Variants in ERP27 observed in about 807,000 individuals in gnomAD.
ERP27 encodes endoplasmic reticulum resident protein 27.
ERP27 carries 23 observed loss-of-function variants against 27.7 expected under a neutral mutation model. That is an observed-to-expected ratio of 0.83 (90% CI 0.60 to 1.18). The LOEUF (loss-of-function observed/expected upper bound fraction) is 1.18. Ranked by LOEUF, ERP27 falls within the 50% of genes most tolerant of loss-of-function variation. The pLI is 0.00. For synonymous variants in ERP27, 159 were observed against 118.3 expected (o/e 1.34, Z -2.23); for missense variants, 363 against 327.9 (o/e 1.11, Z -0.83).
chr12:14,915,613 G>A lies in ERP27; in HGVS notation c.650C>T (p.Ser217Phe), dbSNP rs1863397681. 2.5e-6 allele frequency: 4 copies of A among 1,614,186 alleles called. No homozygotes were observed. The highest frequency in any genetic ancestry group is 3.4e-6 in the Non-Finnish European group (4 of 1,180,038). The stretch of plus-strand genomic sequence containing the variant: ...GTAAATTGCCAAAGCTGGCAGTTGA[G>A]ACTCCTTTAGTTTGAAAAATGATAT... The part of the protein sequence containing the change: ...KVISFFKLKE[S>F]QLPALAIYQT... Residue 217 changes from serine to phenylalanine, a missense_variant, in exon 6 of 7, where the codon TCT becomes TTT. Transcript: ENST00000266397.
At chr12:14,928,878 GA>G in intron 3 of ERP27, 1 of 1,483,484 alleles carries the variant, frequency 6.7e-7, no homozygotes, top group Non-Finnish European at 9.1e-7. Context: ...AATGAGTAAA[GA>G]AATAAAATGA....
At chr12:14,915,814 G>C (rs1863402289) in intron 5 of ERP27, 128 bp from the exon 6 acceptor site, 3 of 845,780 alleles carry the variant, frequency 3.5e-6, no homozygotes, top group Non-Finnish European at 5.4e-6. Flanking sequence ...TTGAAATCTT[G>C]AGTTAAAATA....
intron 2 of ERP27, among the ~76,000 whole-genome samples, chr12:14,937,269 T>C (rs1863786580): frequency 6.6e-6 from 1 of 152,108 alleles, no homozygotes; most frequent in Non-Finnish European, 1.5e-5. Context: ...GACAAGAAGG[T>C]CTGCTATGAG....
chr12:14,936,186 C>T (rs1242346614), intron 2 of ERP27, among the ~76,000 whole-genome samples: 1 of 150,834 alleles, frequency 6.6e-6, no homozygotes, highest in African/African-American at 2.4e-5. Flanking sequence ...ATCAAAAGGG[C>T]CAAAAAAGAA....
At chr12:14,937,399 A>T (rs977596447) in intron 2 of ERP27, among the ~76,000 whole-genome samples, 1 of 152,210 alleles carries the variant, frequency 6.6e-6, no homozygotes, top group Non-Finnish European at 1.5e-5. Context: ...GCTAATCTGG[A>T]AGATGGAGGT....
chr12:14,923,544 C>T (rs979176858), intron 3 of ERP27, among the ~76,000 whole-genome samples: 1 of 125,102 alleles, frequency 8.0e-6, no homozygotes, highest in African/African-American at 2.9e-5. Context: ...TCTATATTAC[C>T]TATCTCCTGT....
chr12:14,928,132 C>T (rs1299356098), intron 3 of ERP27, among the ~76,000 whole-genome samples: 1 of 152,210 alleles, frequency 6.6e-6, no homozygotes, highest in Non-Finnish European at 1.5e-5. Context: ...TCTTGGACAT[C>T]TCCTTAACCC....
intron 3 of ERP27, among the ~76,000 whole-genome samples, chr12:14,927,006 A>C (rs1415328523): frequency 6.6e-6 from 1 of 151,986 alleles, no homozygotes; most frequent in Non-Finnish European, 1.5e-5. Flanking sequence ...ATATTTATTC[A>C]CCTTTTATTT....
rs562360697 is a variant in ERP27 at position 14,928,599 on chromosome 12, C to G, written c.333+6257G>C. ...AATTTAAGCACTCTTTATTTTGGGA[C>G]TGCTTTATACAATTTAAATTTATGA... On this transcript the variant is annotated intron_variant, in intron 3 of 6. Transcript: ENST00000266397. 1.7e-3 allele frequency among the ~76,000 whole-genome samples: 260 copies of G among 152,264 alleles called. 1 individual carries two copies. The highest frequency in any genetic ancestry group is 6.0e-3 in the African/African-American group (248 of 41,552).
chr12:14,918,320 G>T (rs527619511), intron 4 of ERP27, among the ~76,000 whole-genome samples: 2 of 152,270 alleles, frequency 1.3e-5, no homozygotes, highest in South Asian at 2.1e-4. Flanking sequence ...TCTCAAATGT[G>T]GTTGAACCAA....
chr12:14,930,830 A>G (rs1863686884), intron 3 of ERP27, among the ~76,000 whole-genome samples: 1 of 152,214 alleles, frequency 6.6e-6, no homozygotes, highest in South Asian at 2.1e-4. Flanking sequence ...ATGTTCTTAA[A>G]ATGGAAAATT....
intron 3 of ERP27, among the ~76,000 whole-genome samples, chr12:14,933,874 C>T (rs1863734187): frequency 6.6e-6 from 1 of 152,106 alleles, no homozygotes; most frequent in Admixed American, 6.6e-5. Flanking sequence ...ATACTTCTCA[C>T]ATGGTCTATT....
At position 14,917,314 on chromosome 12, in the gene ERP27, G is replaced by A. The variant is rs201786594; in HGVS notation, c.451-11C>T. On this transcript the variant is annotated splice_polypyrimidine_tract_variant and intron_variant, in intron 4 of 6. Transcript: ENST00000266397. ...TAACCCAATCACAGTCTGGCAAGTC[G>A]AAATGTGTTACAGTAGAGTGAAAGC... The A allele has an allele frequency of 4.7e-4, 765 of 1,614,094 alleles. 4 individuals are homozygous for A. The African/African-American group carries it at 9.2e-3, about 19-fold the overall frequency.
In ERP27 at chr12:14,938,498, G is replaced by C; in HGVS notation, c.11C>G (p.Ala4Gly). Residue 4 changes from alanine (A) to glycine (G), a missense_variant, in exon 1 of 7, where the codon GCC (alanine) becomes GGC (glycine). Ala to Gly is a moderately conservative substitution (Grantham distance 60, BLOSUM62 0). Transcript: ENST00000266397. ...TAAGAGGAACATGAACCTGGACGGG[G>C]CAGCTTCCATTGTCCCTCTCCTGCT... MEAAPSRFMFLLFL... is the reference protein window; with the variant it reads MEAGPSRFMFLLFL... 2 of 1,611,438 alleles carry C rather than the reference G, an allele frequency of 1.2e-6. No individual in the cohort carries two copies. The highest frequency in any genetic ancestry group is 1.7e-6 in the Non-Finnish European group (2 of 1,178,798).
At chr12:14,915,720 A>G in intron 5 of ERP27, 34 bp from the exon 6 acceptor site, 1 of 1,593,462 alleles carries the variant, frequency 6.3e-7, no homozygotes, top group South Asian at 1.1e-5. Context: ...AAAAAGTTCT[A>G]TCTGAGGTGA....
At chr12:14,927,744 GCACACACACACACACACA>G in intron 3 of ERP27, among the ~76,000 whole-genome samples, 1 of 148,318 alleles carries the variant, frequency 6.7e-6, no homozygotes, top group African/African-American at 2.5e-5. Context: ...ATGCCTTCAG[GCACACACACACACACACA>G]CACACACACA....
At position 14,934,915 on chromosome 12, in the gene ERP27, C is replaced by T; in HGVS notation, c.274G>A (p.Asp92Asn). ...FPGVSFGIST[D>N]SEVLTHYNIT... ...TTGTAGTGTGTCAGAACCTCAGAAT[C>T]AGTGCTGATCCCAAATGACACGCCT... is the stretch of plus-strand genomic sequence containing the variant. Residue 92 changes from aspartate (D) to asparagine (N), a missense_variant, in exon 3 of 7, where the codon GAT (aspartate) becomes AAT (asparagine). Asp to Asn is a conservative substitution (Grantham distance 23). Transcript: ENST00000266397. The T allele has an allele frequency of 1.2e-6, 2 of 1,614,172 alleles. No homozygotes were observed. The highest frequency in any genetic ancestry group is 2.2e-5 in the South Asian group (2 of 91,086).
rs1863806148 is a variant in ERP27 at position 14,938,502 on chromosome 12, C to T, written c.7G>A (p.Ala3Thr). ME[A>T]APSRFMFLLF... ...AGGAACATGAACCTGGACGGGGCAG[C>T]TTCCATTGTCCCTCTCCTGCTCCTG... is the stretch of plus-strand genomic sequence containing the variant. Residue 3 changes from alanine to threonine, a missense_variant, in exon 1 of 7, where the codon GCT becomes ACT. By Grantham distance (58) the Ala-to-Thr change is moderately conservative (BLOSUM62 0). Transcript: ENST00000266397. 1.2e-6 allele frequency: 2 copies of T among 1,610,324 alleles called. No homozygotes were observed. Among genetic ancestry groups the T allele is most frequent in the Middle Eastern group, 1.6e-4 (1 of 6,062 alleles).
chr12:14,921,707 T>C (rs1006617701), intron 3 of ERP27, among the ~76,000 whole-genome samples: 3 of 152,206 alleles, frequency 2.0e-5, no homozygotes, highest in Non-Finnish European at 2.9e-5. Flanking sequence ...AAAACTATTG[T>C]AGAACCACCA....
Sources: gnomAD v4.1 joint callset for allele counts (sites outside exome capture counted in the v4.1 genomes callset) on GRCh38, gnomAD v4.1.1 for gene constraint, MANE v1.5 for transcripts, NCBI Gene and HGNC (gene_info 2026-07-23, HGNC 2026-07-21) for gene names.